Variants in CRISP2 observed in about 807,000 individuals in gnomAD.
CRISP2 encodes the protein cysteine-rich secretory protein 2.
A neutral mutation model predicts 31.7 loss-of-function variants in CRISP2; 29 were observed. The ratio of observed to expected loss-of-function variants is 0.92; its 90% CI spans 0.68 to 1.25. CRISP2 has a LOEUF of 1.25. Among genes scored for constraint, CRISP2 ranks in the 50% most tolerant of loss-of-function variants. CRISP2 has a pLI of 0.00. For missense variants in CRISP2, 318 were observed against 286.5 expected (o/e 1.11, Z -0.79); for synonymous variants, 111 against 101.4 (o/e 1.09, Z -0.57).
intron 7 of CRISP2, among the ~76,000 whole-genome samples, 177 bp from the exon 8 acceptor site, chr6:49,698,134 T>C (rs1020149204): frequency 1.3e-5 from 2 of 152,146 alleles, no homozygotes; most frequent in African/African-American, 4.8e-5. Context: ...TCATGTACAT[T>C]CATCACTTTA....
chr6:49,688,849 A>G (rs1763964025), downstream of CRISP2, among the ~76,000 whole-genome samples: 1 of 152,030 alleles, frequency 6.6e-6, no homozygotes. Context: ...ACCCTAGATT[A>G]TGATTTTCTC....
At chr6:49,698,288 A>C in intron 7 of CRISP2, 74 bp downstream of exon 7, 2 of 1,503,274 alleles carry the variant, frequency 1.3e-6, no homozygotes, top group Non-Finnish European at 1.8e-6. Flanking sequence ...TGAACATTAC[A>C]GTGGTCATAA....
chr6:49,689,535 A>AT (rs1233023770), downstream of CRISP2, among the ~76,000 whole-genome samples: 1 of 152,138 alleles, frequency 6.6e-6, no homozygotes, highest in African/African-American at 2.4e-5. Flanking sequence ...AACTCAAAAT[A>AT]TTACTAAAAC....
At chr6:49,686,732 T>C in the CRISP2 span, among the ~76,000 whole-genome samples, 1 of 152,332 alleles carries the variant, frequency 6.6e-6, no homozygotes. Flanking sequence ...TAAATCATGC[T>C]ACTATAAAGA....
At chr6:49,703,612 C>A (rs763765586) in intron 4 of CRISP2, among the ~76,000 whole-genome samples, 4 of 152,054 alleles carry the variant, frequency 2.6e-5, no homozygotes, top group Non-Finnish European at 5.9e-5. Context: ...TGATTTAATT[C>A]TCATCTTGGT....
At chr6:49,707,197 T>C (rs1767194256) in intron 4 of CRISP2, among the ~76,000 whole-genome samples, 1 of 152,206 alleles carries the variant, frequency 6.6e-6, no homozygotes, top group African/African-American at 2.4e-5. Context: ...ATAAATATGG[T>C]ATCTATCCTT....
rs373065610 is a variant in CRISP2, at chr6:49,692,716, G to A, written c.*57C>T. ...TACATACAATTTCCACTGGTATGTC[G>A]CAATTAAATGATGCAGCCCTTATCC... On this transcript the variant is annotated 3_prime_UTR_variant, in exon 10 of 10. Transcript: ENST00000339139. 2.7e-4 allele frequency: 400 copies of A among 1,485,482 alleles called. 2 individuals carry two copies. In the African/African-American group the frequency reaches 3.5e-3, roughly 13 times the overall value. The allele number at this position is 1,485,482 out of a possible 1,614,324, so 92.0% of individuals were successfully genotyped here.
chr6:49,694,569 CA>C (rs942474162), intron 9 of CRISP2, among the ~76,000 whole-genome samples: 16 of 152,058 alleles, frequency 1.1e-4, no homozygotes, highest in African/African-American at 3.4e-4. Flanking sequence ...CTCTTTCCCC[CA>C]AGTGGACAGT....
intron 7 of CRISP2, 48 bp downstream of exon 7, chr6:49,698,314 C>G: frequency 6.3e-7 from 1 of 1,597,762 alleles, no homozygotes; most frequent in South Asian, 1.1e-5. Context: ...AGAAGCTTTC[C>G]TCTATTAGAA....
chr6:49,682,922 G>A, the CRISP2 span, among the ~76,000 whole-genome samples: 1 of 151,438 alleles, frequency 6.6e-6, no homozygotes, highest in Non-Finnish European at 1.5e-5. Flanking sequence ...ACTTTGTGAG[G>A]CCGAAAAGGG....
Position 49,692,903 on chromosome 6 carries a change from G to A in CRISP2, c.605-3C>T. On this transcript the variant is annotated splice_region_variant and splice_polypyrimidine_tract_variant and intron_variant, in intron 9 of 9. Transcript: ENST00000339139. ...ATCTTGATACTGGCAACTATTGGCT[G>A]TAACAAAAACAGATTAGTTAACTCA... The A allele has an allele frequency of 6.2e-7, 1 of 1,612,620 alleles. No homozygotes were observed. Among genetic ancestry groups the A allele is most frequent in the South Asian group, 1.1e-5 (1 of 90,944 alleles).
chr6:49,693,864 C>G (rs1371501132), intron 9 of CRISP2, among the ~76,000 whole-genome samples: 3 of 152,078 alleles, frequency 2.0e-5, no homozygotes, highest in Non-Finnish European at 4.4e-5. Flanking sequence ...GTTTGTTGGG[C>G]TTCCTCCAAA....
intron 4 of CRISP2, among the ~76,000 whole-genome samples, chr6:49,704,515 C>A (rs765222977): frequency 6.6e-6 from 1 of 152,162 alleles, no homozygotes; most frequent in Non-Finnish European, 1.5e-5. Flanking sequence ...TCAAGGGCTG[C>A]TGTTCAGGTT....
intron 7 of CRISP2, 112 bp from the exon 8 acceptor site, chr6:49,698,069 AT>A (rs2127397950): frequency 1.2e-6 from 1 of 825,280 alleles, no homozygotes; most frequent in East Asian, 2.8e-5. Context: ...GACATATACC[AT>A]AAAAATATTT....
At chr6:49,707,985 A>C (rs1767357875) in intron 4 of CRISP2, among the ~76,000 whole-genome samples, 1 of 152,188 alleles carries the variant, frequency 6.6e-6, no homozygotes, top group Non-Finnish European at 1.5e-5. Context: ...ACAAAGCACT[A>C]AGGCTTTTAG....
intron 4 of CRISP2, among the ~76,000 whole-genome samples, chr6:49,702,959 T>G (rs1766354941): frequency 6.6e-6 from 1 of 152,168 alleles, no homozygotes; most frequent in Admixed American, 6.5e-5. Flanking sequence ...TGGTCTTAGA[T>G]TTAAGTATTT....
chr6:49,696,367 A>C (rs1259069397), intron 8 of CRISP2, among the ~76,000 whole-genome samples: 1 of 152,090 alleles, frequency 6.6e-6, no homozygotes, highest in East Asian at 1.9e-4. Context: ...CATTTGAAAA[A>C]TGGAAAAAAC....
At chr6:49,700,869 G>T in intron 4 of CRISP2, 85 bp from the exon 5 acceptor site, 1 of 864,612 alleles carries the variant, frequency 1.2e-6, no homozygotes, top group Admixed American at 2.1e-5. Flanking sequence ...AGAGAACAAA[G>T]GTCACTTTAA....
chr6:49,698,702 G>T (rs976521862), intron 6 of CRISP2, among the ~76,000 whole-genome samples, 195 bp from the exon 7 acceptor site: 1 of 152,124 alleles, frequency 6.6e-6, no homozygotes, highest in Non-Finnish European at 1.5e-5. Context: ...GACACACTGA[G>T]GTTGGCCTGA....
Sources: allele counts gnomAD v4.1 joint callset (sites outside exome capture counted in the v4.1 genomes callset), GRCh38; gene constraint gnomAD v4.1.1; transcripts MANE v1.5; gene names NCBI Gene and HGNC (gene_info 2026-07-23, HGNC 2026-07-21).